Variants in ARID3B observed in about 807,000 individuals in gnomAD.
ARID3B encodes the protein AT-rich interactive domain-containing protein 3B.
Under a neutral mutation model 51.9 loss-of-function variants are expected in ARID3B, and 10 were observed. That is an observed-to-expected ratio of 0.19 (90% CI 0.12 to 0.33). The LOEUF (loss-of-function observed/expected upper bound fraction) is 0.33, where lower values mean the gene tolerates loss of function less well. Among genes scored for constraint, ARID3B ranks in the 10% least tolerant of loss-of-function variants. The pLI is 1.00. For synonymous variants in ARID3B, 205 were observed against 279.5 expected, an observed-to-expected ratio of 0.73 and a Z score of 2.66; for missense variants, 483 against 716.3, an observed-to-expected ratio of 0.67 and a Z score of 3.72.
rs1404440572 is a variant in ARID3B, at chr15:74,558,115, C to A, written c.552+13627C>A. 3.3e-5 allele frequency among the ~76,000 whole-genome samples: 5 copies of A among 151,588 alleles called. No individual in the cohort carries two copies. In the East Asian group the frequency reaches 9.7e-4, roughly 29 times the overall value. ...GGATTACAGGCGTGAGCCACGCGCC[C>A]GGCCTTTCAACTTACTTTTATTCCA... On this transcript the variant is annotated intron_variant, in intron 2 of 8. Coordinates refer to ENST00000346246, the MANE Select transcript of ARID3B (RefSeq NM_006465.4).
At chr15:74,559,629 T>C (rs2061671634) in intron 2 of ARID3B, among the ~76,000 whole-genome samples, 1 of 152,180 alleles carries the variant, frequency 6.6e-6, no homozygotes, top group Non-Finnish European at 1.5e-5. Flanking sequence ...TGGTCTGACT[T>C]CTAGCTCCAT....
intron 4 of ARID3B, among the ~76,000 whole-genome samples, chr15:74,588,343 A>C (rs1205923969): frequency 6.6e-6 from 1 of 152,030 alleles, no homozygotes; most frequent in African/African-American, 2.4e-5. Flanking sequence ...CATCCTGTAA[A>C]AGAGTTGGTG....
chr15:74,586,314 A>G (rs773315308), intron 4 of ARID3B, among the ~76,000 whole-genome samples: 18 of 152,116 alleles, frequency 1.2e-4, no homozygotes, highest in South Asian at 4.1e-4. Flanking sequence ...GACTTCAGAC[A>G]CCACTGTGAC....
intron 2 of ARID3B, among the ~76,000 whole-genome samples, chr15:74,548,670 GT>G (rs1261263562): frequency 6.6e-6 from 1 of 152,168 alleles, no homozygotes; most frequent in Non-Finnish European, 1.5e-5. Context: ...CAAGGACAGG[GT>G]ATTACCAATT....
Position 74,591,290 on chromosome 15 carries a change from G to T in ARID3B, c.1021G>T (p.Ala341Ser). 2 of 1,613,684 alleles carry T rather than the reference G, an allele frequency of 1.2e-6. No homozygotes were observed. Among genetic ancestry groups the T allele is most frequent in the Admixed American group, 1.7e-5 (1 of 60,014 alleles). ...CTCCTCCCTCTTTGGCTACTCACCT[G>T]CTGCGGCTACTGCTGCTGCCGCTGC... The part of the protein sequence containing the change: ...YSSSLFGYSP[A>S]AATAAAAAGA... Residue 341 changes from alanine to serine, a missense_variant, in exon 6 of 9, where the codon GCT becomes TCT. This residue lies in a region of ARID3B where 265 missense variants were observed against 354.4 expected (regional missense o/e 0.75). Transcript: ENST00000346246. The surrounding 1 kb of genome is among the most constrained non-coding windows in gnomAD (Gnocchi z 5.8).
chr15:74,592,178 G>A (rs758711096), intron 7 of ARID3B, among the ~76,000 whole-genome samples: 14 of 152,216 alleles, frequency 9.2e-5, no homozygotes, highest in Non-Finnish European at 1.5e-4. Flanking sequence ...TGCAGGTCTG[G>A]GAGGAAGACA....
intron 4 of ARID3B, among the ~76,000 whole-genome samples, chr15:74,586,855 T>C (rs1183730881): frequency 1.3e-5 from 2 of 152,166 alleles, no homozygotes; most frequent in Non-Finnish European, 1.5e-5. Context: ...GCTAAACTTA[T>C]AGGGGCATGA....
chr15:74,556,542 C>A (rs2061658449), intron 2 of ARID3B, among the ~76,000 whole-genome samples: 2 of 152,132 alleles, frequency 1.3e-5, no homozygotes, highest in African/African-American at 2.4e-5. Flanking sequence ...AACATTGGTA[C>A]CTTAGAAATT....
chr15:74,555,763 C>T (rs1248491565), intron 2 of ARID3B, among the ~76,000 whole-genome samples: 1 of 149,098 alleles, frequency 6.7e-6, no homozygotes, highest in Non-Finnish European at 1.5e-5. Flanking sequence ...TCTATGGCAG[C>T]TGTAGCCTTA....
In ARID3B at chr15:74,591,465, AAGGG is replaced by A; in HGVS notation, c.1165+35_1165+38del. On this transcript the variant is annotated intron_variant, in intron 6 of 8. Coordinates refer to ENST00000346246, the MANE Select transcript of ARID3B (RefSeq NM_006465.4). This position sits in a 1 kb window ranked among gnomAD's most constrained non-coding sequence, Gnocchi z 5.8. The stretch of plus-strand genomic sequence containing the variant: ...CAGGGCTCCTGGGGGAGAAGGAAGA[AAGGG>A]AGGAAGGGATGCCAGTTCCCTGTGT... 1 of 1,593,876 alleles carries A rather than the reference AAGGG, an allele frequency of 6.3e-7. No homozygotes were observed.
intron 2 of ARID3B, 83 bp from the exon 3 acceptor site, chr15:74,572,779 T>C: frequency 1.5e-6 from 2 of 1,318,086 alleles, no homozygotes; most frequent in Non-Finnish European, 2.2e-6. Context: ...TCTTCATCTT[T>C]GCCCTAAATG....
intron 2 of ARID3B, among the ~76,000 whole-genome samples, chr15:74,565,620 C>T (rs915507183): frequency 9.2e-5 from 14 of 152,112 alleles, no homozygotes; most frequent in Admixed American, 9.2e-4. Context: ...CTAAAATAGC[C>T]TAGATACTTA....
Position 74,591,849 on chromosome 15 carries a change from G to C in ARID3B, c.1420+35G>C. 1 of 1,599,772 alleles carries C rather than the reference G, an allele frequency of 6.3e-7. No homozygotes were observed. Among genetic ancestry groups the C allele is most frequent in the Non-Finnish European group, 8.5e-7 (1 of 1,170,684 alleles). On this transcript the variant is annotated intron_variant, in intron 7 of 8. Coordinates refer to ENST00000346246, the MANE Select transcript of ARID3B (RefSeq NM_006465.4). This position sits in a 1 kb window ranked among gnomAD's most constrained non-coding sequence, Gnocchi z 5.8. ...GCTCAGGGCCGGGCCTTCCCTTCCT[G>C]GAAACCCCAAGCCCATTCACGCCTC...
At chr15:74,571,029 C>G (rs1186196633) in intron 2 of ARID3B, among the ~76,000 whole-genome samples, 3 of 152,138 alleles carry the variant, frequency 2.0e-5, no homozygotes, top group African/African-American at 7.2e-5. Flanking sequence ...ATACACACAT[C>G]TTTTACTAGA....
chr15:74,593,088 G>T, intron 7 of ARID3B, 50 bp from the exon 8 acceptor site: 1 of 1,550,856 alleles, frequency 6.4e-7, no homozygotes, highest in Non-Finnish European at 8.8e-7. Flanking sequence ...AGGACAACAG[G>T]AGTGCTGTGG....
chr15:74,561,548 C>T (rs539093636), intron 2 of ARID3B, among the ~76,000 whole-genome samples: 26 of 152,322 alleles, frequency 1.7e-4, no homozygotes, highest in African/African-American at 6.3e-4. Context: ...CAGTTATAAG[C>T]AGGGACTTAA....
chr15:74,543,861 T>A lies in ARID3B; in HGVS notation c.-76T>A. ...TTGTGGTTTCTGTTAATCACTAAGGTTTAGACCCAGTGTGCCTGGTGGGCT... is the reference window on the plus strand; with the variant it reads ...TTGTGGTTTCTGTTAATCACTAAGGATTAGACCCAGTGTGCCTGGTGGGCT... On this transcript the variant is annotated splice_region_variant and 5_prime_UTR_variant, in exon 2 of 9. Transcript: ENST00000346246. 6.5e-7 allele frequency: 1 copy of A among 1,535,266 alleles called. No homozygotes were observed. The highest frequency in any genetic ancestry group is 8.8e-7 in the Non-Finnish European group (1 of 1,137,344).
chr15:74,594,491 G>A (rs2061816616), intron 8 of ARID3B, among the ~76,000 whole-genome samples: 1 of 152,080 alleles, frequency 6.6e-6, no homozygotes, highest in Non-Finnish European at 1.5e-5. Flanking sequence ...CACCAGGCCT[G>A]GCCCAGGGCA....
intron 2 of ARID3B, among the ~76,000 whole-genome samples, chr15:74,571,966 G>A (rs1207471347): frequency 1.8e-4 from 27 of 152,078 alleles, no homozygotes; most frequent in Admixed American, 1.5e-3. Flanking sequence ...AAAATTAGCC[G>A]GGCGTGGTTG....
Sources: allele counts gnomAD v4.1 joint callset (sites outside exome capture counted in the v4.1 genomes callset), GRCh38; gene constraint gnomAD v4.1.1; regional missense constraint gnomAD v4.1.1; non-coding constraint Gnocchi (gnomAD v3.1); transcripts MANE v1.5; gene names NCBI Gene and HGNC (gene_info 2026-07-23, HGNC 2026-07-21).